RAPGEF4: variants seen among roughly 807,000 people sequenced by gnomAD.
RAPGEF4 encodes Rap guanine nucleotide exchange factor 4.
A neutral mutation model predicts 147.9 loss-of-function variants in RAPGEF4; 66 were observed. The observed-to-expected ratio is 0.45, with a 90% CI of 0.37 to 0.55. The LOEUF is 0.55. Ranked by LOEUF, RAPGEF4 falls within the 20% of genes least tolerant of loss-of-function variation. The pLI is 0.00. For synonymous variants in RAPGEF4, 419 were observed against 442.7 expected (o/e 0.95, Z 0.67); for missense variants, 1,071 against 1,257.3 (o/e 0.85, Z 2.24).
intron 17 of RAPGEF4, among the ~76,000 whole-genome samples, chr2:173,008,915 G>A (rs1394182272): frequency 6.6e-6 from 1 of 152,216 alleles, no homozygotes; most frequent in African/African-American, 2.4e-5. Flanking sequence ...GGAATATTAA[G>A]CCTGATGTTG....
At chr2:173,044,772 G>C (rs918896634) in intron 29 of RAPGEF4, among the ~76,000 whole-genome samples, 4 of 152,078 alleles carry the variant, frequency 2.6e-5, no homozygotes, top group African/African-American at 7.2e-5. Flanking sequence ...TCTAATGTGG[G>C]GCATGTTTGC....
chr2:172,886,273 T>G (rs1287773239), intron 4 of RAPGEF4, among the ~76,000 whole-genome samples: 1 of 152,252 alleles, frequency 6.6e-6, no homozygotes, highest in Non-Finnish European at 1.5e-5. Context: ...CACATCCATT[T>G]ATTTACATAT....
intron 27 of RAPGEF4, 145 bp downstream of exon 27, chr2:173,034,109 C>G: frequency 1.4e-6 from 1 of 698,564 alleles, no homozygotes; most frequent in African/African-American, 1.8e-5. Flanking sequence ...GCTGCTAAAA[C>G]AAGCATGTCT....
chr2:172,958,453 C>T (rs1427220869), intron 6 of RAPGEF4, among the ~76,000 whole-genome samples: 1 of 152,198 alleles, frequency 6.6e-6, no homozygotes, highest in African/African-American at 2.4e-5. Context: ...CGTGTTTGAA[C>T]ACTTCTCTGG....
In RAPGEF4 at chr2:172,735,912, G is replaced by A. The variant is rs578031485; in HGVS notation, c.-72G>A. 8.0e-4 allele frequency: 1,034 copies of A among 1,295,514 alleles called. 8 individuals carry two copies. In the African/African-American group the frequency reaches 9.6e-3, roughly 12 times the overall value. The allele number at this position is 1,295,514 out of a possible 1,614,324, so 80.3% of individuals were successfully genotyped here. ...GCGGGGTCCGCGCGGCGGACGAGGC[G>A]GGGGCGGAGGCGCAGGCAGAGCGAG... On this transcript the variant is annotated 5_prime_UTR_variant, in exon 1 of 31. Transcript: ENST00000397081.
intron 6 of RAPGEF4, among the ~76,000 whole-genome samples, chr2:172,926,473 A>G (rs1685370891): frequency 1.3e-5 from 2 of 152,184 alleles, no homozygotes; most frequent in African/African-American, 2.4e-5. Context: ...ACTCACGGAG[A>G]TATTACAACA....
chr2:172,965,387 T>A lies in RAPGEF4; in HGVS notation c.699-175T>A, dbSNP rs966588848. The A allele has an allele frequency of 4.1e-6, 3 of 723,742 alleles. No homozygotes were observed. The African/African-American group carries it at 5.3e-5, about 13-fold the overall frequency. The allele number at this position is 723,742 out of a possible 1,614,324, so 44.8% of individuals were successfully genotyped here. Reference sequence around the variant, plus strand: ...TCATGAGCTGAGTGGCTTTTTTGGCTTGTATTAGCATTTGAGAACCTGAAG... The same window carrying A: ...TCATGAGCTGAGTGGCTTTTTTGGCATGTATTAGCATTTGAGAACCTGAAG... On this transcript the variant is annotated intron_variant, in intron 8 of 30. Coordinates refer to ENST00000397081, the MANE Select transcript of RAPGEF4 (RefSeq NM_007023.4).
intron 4 of RAPGEF4, among the ~76,000 whole-genome samples, chr2:172,847,369 G>T (rs1692313508): frequency 6.6e-6 from 1 of 152,188 alleles, no homozygotes; most frequent in Non-Finnish European, 1.5e-5. Context: ...CAGGGTGACT[G>T]TACCCAGATG....
At chr2:172,816,646 CTAAA>C (rs1331577270) in intron 4 of RAPGEF4, among the ~76,000 whole-genome samples, 12 of 152,314 alleles carry the variant, frequency 7.9e-5, no homozygotes, top group African/African-American at 2.6e-4. Context: ...TCCTTGCTAT[CTAAA>C]ACCTTGTCAC....
intron 6 of RAPGEF4, among the ~76,000 whole-genome samples, chr2:172,938,303 C>G (rs1686808781): frequency 6.6e-6 from 1 of 152,108 alleles, no homozygotes; most frequent in African/African-American, 2.4e-5. Context: ...TTCTCCAACT[C>G]TAATCCATTA....
chr2:172,845,557 T>C (rs965201804), intron 4 of RAPGEF4, among the ~76,000 whole-genome samples: 2 of 152,188 alleles, frequency 1.3e-5, no homozygotes, highest in Admixed American at 1.3e-4. Flanking sequence ...TGACATGATG[T>C]AGCTGGGACA....
intron 3 of RAPGEF4, among the ~76,000 whole-genome samples, chr2:172,809,095 G>C (rs1333321924): frequency 6.6e-6 from 1 of 152,204 alleles, no homozygotes; most frequent in South Asian, 2.1e-4. Flanking sequence ...AATCTGGGGG[G>C]CATCCATGAT....
chr2:173,032,725 C>T (rs531836467), intron 26 of RAPGEF4, among the ~76,000 whole-genome samples: 3 of 152,018 alleles, frequency 2.0e-5, no homozygotes. Context: ...TATACAGGGA[C>T]TAGTTTTTAG....
intron 15 of RAPGEF4, 79 bp downstream of exon 15, chr2:172,991,004 G>C (rs1423918866): frequency 9.0e-7 from 1 of 1,105,522 alleles, no homozygotes; most frequent in Non-Finnish European, 1.3e-6. Flanking sequence ...ACAATAGCAT[G>C]TTCTCCTTTT....
intron 1 of RAPGEF4, among the ~76,000 whole-genome samples, chr2:172,782,654 G>C (rs1124821): frequency 0.12 from 17,975 of 152,096 alleles, 1,225 homozygotes; most frequent in Non-Finnish European, 0.15. Context: ...TTACACAGAG[G>C]AAAAAAAGCC....
chr2:172,899,298 G>A (rs918829140), intron 4 of RAPGEF4, among the ~76,000 whole-genome samples: 1 of 152,158 alleles, frequency 6.6e-6, no homozygotes, highest in African/African-American at 2.4e-5. Context: ...GAGAAAATTG[G>A]CATTTGAAGT....
chr2:172,751,345 G>T (rs1043358015), intron 1 of RAPGEF4, among the ~76,000 whole-genome samples: 6 of 152,298 alleles, frequency 3.9e-5, no homozygotes, highest in Admixed American at 6.5e-5. Context: ...CATTCATTCA[G>T]TCAGTCTTCA....
chr2:172,930,326 A>G (rs560428898), intron 6 of RAPGEF4, among the ~76,000 whole-genome samples: 1 of 152,310 alleles, frequency 6.6e-6, no homozygotes, highest in Middle Eastern at 3.4e-3. Context: ...ACCCCTCCTC[A>G]AAGAGCTTGA....
chr2:172,774,117 T>C, intron 1 of RAPGEF4, among the ~76,000 whole-genome samples: 1 of 152,182 alleles, frequency 6.6e-6, no homozygotes, highest in Admixed American at 6.5e-5. Flanking sequence ...AGAGTAATGA[T>C]ATTATCACAC....
Sources: gnomAD v4.1 joint callset for allele counts (sites outside exome capture counted in the v4.1 genomes callset) on GRCh38, gnomAD v4.1.1 for gene constraint, MANE v1.5 for transcripts, NCBI Gene and HGNC (gene_info 2026-07-23, HGNC 2026-07-21) for gene names.